The following RGS6 variants were observed in gnomAD, a reference collection of about 807,000 sequenced individuals.
RGS6 encodes the protein regulator of G-protein signaling 6.
In RGS6, 30 loss-of-function variants were observed where a neutral mutation model predicts 78.5. That is an observed-to-expected ratio of 0.38 (90% CI 0.29 to 0.52). RGS6 has a LOEUF of 0.52. Ranked by LOEUF, RGS6 falls within the 20% of genes least tolerant of loss-of-function variation. The probability of loss-of-function intolerance (pLI) is 0.85; values close to 1 mark genes in which losing one functional copy is unlikely to be tolerated. For synonymous variants in RGS6, 206 were observed against 206.0 expected, an observed-to-expected ratio of 1.00 and a Z score of 0.00; for missense variants, 495 against 609.7, an observed-to-expected ratio of 0.81 and a Z score of 1.98.
intron 3 of RGS6, among the ~76,000 whole-genome samples, chr14:72,409,516 C>T (rs959039325): frequency 2.6e-5 from 4 of 151,382 alleles, no homozygotes; most frequent in African/African-American, 9.7e-5. Context: ...ATTTTTTTAA[C>T]ATCACTTTTA....
intron 2 of RGS6, among the ~76,000 whole-genome samples, chr14:72,056,185 G>A (rs562803851): frequency 6.6e-6 from 1 of 152,298 alleles, no homozygotes; most frequent in African/African-American, 2.4e-5. Context: ...CTCATTTACA[G>A]ATGGGGGGAT....
At chr14:72,125,775 G>GA (rs1421473702) in intron 2 of RGS6, among the ~76,000 whole-genome samples, 2 of 152,134 alleles carry the variant, frequency 1.3e-5, no homozygotes, top group Non-Finnish European at 2.9e-5. Flanking sequence ...TTGTTAGCAT[G>GA]ATCTGAGGGT....
chr14:72,068,875 T>C lies in RGS6; in HGVS notation c.84+104000T>C, dbSNP rs568669466. Among the ~76,000 whole-genome samples the C allele has an allele frequency of 3.3e-5, 5 of 152,278 alleles. No individual in the cohort carries two copies. The South Asian group carries it at 1.0e-3, about 32-fold the overall frequency. ...CTCATAATACTTGACTTTAAATGGA[T>C]CATTTAGTCTATTTATTTACATTTA... On this transcript the variant is annotated intron_variant, in intron 2 of 17. Transcript: ENST00000553525.
At chr14:72,521,899 C>G (rs1427889397) in intron 15 of RGS6, among the ~76,000 whole-genome samples, 1 of 152,232 alleles carries the variant, frequency 6.6e-6, no homozygotes, top group Non-Finnish European at 1.5e-5. Context: ...ATACTACCAT[C>G]TTATTTTTCT....
rs1315401162 is a variant in RGS6 at position 72,369,849 on chromosome 14, AATTT to A, written c.184+17659_184+17662del. On this transcript the variant is annotated intron_variant, in intron 3 of 17. Coordinates refer to ENST00000553525, the MANE Select transcript of RGS6 (RefSeq NM_001204424.2). Reference sequence around the variant, plus strand: ...ATTAAATCAATTAGTTATAAAATAAAATTTATTCTTAATTAGTATGCCAAAATTT... The same window carrying A: ...ATTAAATCAATTAGTTATAAAATAAAATTCTTAATTAGTATGCCAAAATTT... 5.3e-5 allele frequency among the ~76,000 whole-genome samples: 8 copies of A among 152,194 alleles called. No homozygotes were observed. In the South Asian group the frequency reaches 1.4e-3, roughly 28 times the overall value.
intron 2 of RGS6, among the ~76,000 whole-genome samples, chr14:72,340,806 T>C (rs1299398234): frequency 6.6e-6 from 1 of 152,214 alleles, no homozygotes; most frequent in Admixed American, 6.5e-5. Flanking sequence ...TGATCTTTTC[T>C]ATTCTCTACT....
intron 2 of RGS6, among the ~76,000 whole-genome samples, chr14:71,994,704 T>C (rs542329866): frequency 6.6e-6 from 1 of 151,598 alleles, no homozygotes; most frequent in Non-Finnish European, 1.5e-5. Context: ...ACCGAGAACA[T>C]TGTGGAAAGA....
intron 1 of RGS6, among the ~76,000 whole-genome samples, chr14:71,943,786 C>T (rs2091030741): frequency 6.6e-6 from 1 of 152,170 alleles, no homozygotes; most frequent in Non-Finnish European, 1.5e-5. Context: ...CAGTGCTTGG[C>T]ACATAGTAGG....
At chr14:71,884,868 C>T in the RGS6 span, among the ~76,000 whole-genome samples, 3 of 152,126 alleles carry the variant, frequency 2.0e-5, no homozygotes, top group Non-Finnish European at 2.9e-5. Flanking sequence ...CTGGAGCATA[C>T]AATTTAAGGA....
At chr14:72,485,897 C>T (rs1326490601) in intron 12 of RGS6, among the ~76,000 whole-genome samples, 2 of 152,182 alleles carry the variant, frequency 1.3e-5, no homozygotes, top group Admixed American at 1.3e-4. Flanking sequence ...ATGACACCAC[C>T]AGCCCTTGAA....
the RGS6 span, among the ~76,000 whole-genome samples, chr14:71,910,380 A>G: frequency 1.3e-5 from 2 of 152,250 alleles, no homozygotes; most frequent in South Asian, 2.1e-4. Context: ...TTACCTTCCC[A>G]TAGTTTCCTA....
chr14:72,424,643 T>A (rs944335421), intron 3 of RGS6, among the ~76,000 whole-genome samples: 3 of 152,240 alleles, frequency 2.0e-5, no homozygotes, highest in African/African-American at 7.2e-5. Context: ...TTATTCCTCC[T>A]TGGCTGATAT....
the RGS6 span, among the ~76,000 whole-genome samples, chr14:72,584,988 C>T: frequency 2.0e-5 from 3 of 152,120 alleles, no homozygotes; most frequent in Admixed American, 1.3e-4. Flanking sequence ...AGAAACCCAA[C>T]ATGCAGTCAG....
chr14:72,014,187 C>T (rs2086465647), intron 2 of RGS6, among the ~76,000 whole-genome samples: 1 of 152,174 alleles, frequency 6.6e-6, no homozygotes, highest in African/African-American at 2.4e-5. Context: ...AGGGCGTTCT[C>T]AGTGCAGTGC....
At chr14:71,877,834 G>C in the RGS6 span, among the ~76,000 whole-genome samples, 1 of 152,172 alleles carries the variant, frequency 6.6e-6, no homozygotes, top group Non-Finnish European at 1.5e-5. Context: ...TTTGGCATTT[G>C]ATGATGGTGA....
chr14:72,146,474 G>C (rs1385583361), intron 2 of RGS6, among the ~76,000 whole-genome samples: 1 of 152,172 alleles, frequency 6.6e-6, no homozygotes, highest in Non-Finnish European at 1.5e-5. Context: ...TCAGATATGT[G>C]TGAGACTCAA....
chr14:71,912,607 A>T, the RGS6 span, among the ~76,000 whole-genome samples: 1 of 152,100 alleles, frequency 6.6e-6, no homozygotes, highest in Middle Eastern at 3.2e-3. Context: ...AACAACTACA[A>T]CCGGGAAATT....
chr14:72,256,520 C>A (rs917497323), intron 2 of RGS6, among the ~76,000 whole-genome samples: 1 of 152,170 alleles, frequency 6.6e-6, no homozygotes, highest in Non-Finnish European at 1.5e-5. Flanking sequence ...GGTTGGTTAT[C>A]ATTTAGTTAC....
At chr14:71,881,724 G>A in the RGS6 span, among the ~76,000 whole-genome samples, 1 of 152,140 alleles carries the variant, frequency 6.6e-6, no homozygotes, top group Non-Finnish European at 1.5e-5. Flanking sequence ...GTCTTTATCA[G>A]CAGTGTGAGA....
Sources: gnomAD v4.1 joint callset for allele counts (sites outside exome capture counted in the v4.1 genomes callset) on GRCh38, gnomAD v4.1.1 for gene constraint, MANE v1.5 for transcripts, NCBI Gene and HGNC (gene_info 2026-07-23, HGNC 2026-07-21) for gene names.